Variants in TMEM132D observed in about 807,000 individuals in gnomAD.
TMEM132D encodes the protein transmembrane protein 132D.
Under a neutral mutation model 62.3 loss-of-function variants are expected in TMEM132D, and 21 were observed. That is an observed-to-expected ratio of 0.34 (90% confidence interval 0.24 to 0.49). The LOEUF (loss-of-function observed/expected upper bound fraction) is 0.49, where lower values mean the gene tolerates loss of function less well. Among genes scored for constraint, TMEM132D ranks in the 20% least tolerant of loss-of-function variants. The pLI, the probability that TMEM132D is intolerant of heterozygous loss-of-function variation, is 0.99. For missense variants in TMEM132D, 1,346 were observed against 1,402.8 expected (o/e 0.96, Z 0.65); for synonymous variants, 621 against 575.6 (o/e 1.08, Z -1.13).
At chr12:129,665,560 A>T (rs895236553) in intron 2 of TMEM132D, among the ~76,000 whole-genome samples, 1 of 152,104 alleles carries the variant, frequency 6.6e-6, no homozygotes, top group African/African-American at 2.4e-5. Flanking sequence ...TCTACTTAAA[A>T]TACTGACCTC....
chr12:129,410,890 A>G (rs1441645526), intron 3 of TMEM132D, among the ~76,000 whole-genome samples: 3 of 152,206 alleles, frequency 2.0e-5, no homozygotes, highest in African/African-American at 7.2e-5. Context: ...GGACATGAAT[A>G]TCATCTCATT....
At chr12:129,739,321 C>G (rs989733086) in intron 1 of TMEM132D, among the ~76,000 whole-genome samples, 66 of 152,242 alleles carry the variant, frequency 4.3e-4, no homozygotes, top group African/African-American at 1.5e-3. Flanking sequence ...GGAAAATTCC[C>G]ACCGCCTGAT....
In TMEM132D at chr12:129,700,637, G is replaced by C. The variant is rs2137227896; in HGVS notation, c.141C>G (p.Leu47=). 5 of 1,614,012 alleles carry C rather than the reference G, an allele frequency of 3.1e-6. No homozygotes were observed. The highest frequency in any genetic ancestry group is 4.2e-6 in the Non-Finnish European group (5 of 1,180,024). ...CGTTGTTGATGTGGTAGGTCACGGG[G>C]AGGTAGGTGGGCAGCAAGGAAAACC... ...IQRFSLLPTY[L]PVTYHINNAD... Residue 47 remains leucine, a synonymous_variant, in exon 2 of 9, where the codon CTC becomes CTG. Transcript: ENST00000422113.
intron 4 of TMEM132D, among the ~76,000 whole-genome samples, chr12:129,251,382 A>G (rs908897496): frequency 6.9e-5 from 10 of 143,970 alleles, no homozygotes; most frequent in African/African-American, 2.6e-4. Flanking sequence ...AAAAAAAAAA[A>G]AGAAGAGAGA....
intron 4 of TMEM132D, among the ~76,000 whole-genome samples, chr12:129,332,589 T>G (rs1869144541): frequency 6.6e-6 from 1 of 152,192 alleles, no homozygotes; most frequent in Non-Finnish European, 1.5e-5. Flanking sequence ...CTTACTTAGT[T>G]GTGCTGTGTG....
chr12:129,469,038 GCAA>G (rs937932843), intron 3 of TMEM132D, among the ~76,000 whole-genome samples: 6 of 152,106 alleles, frequency 3.9e-5, no homozygotes, highest in African/African-American at 1.2e-4. Context: ...AGACATTAAA[GCAA>G]CAACAACAAA....
intron 1 of TMEM132D, among the ~76,000 whole-genome samples, chr12:129,767,362 C>T (rs1035642606): frequency 5.9e-5 from 9 of 152,162 alleles, no homozygotes; most frequent in African/African-American, 1.2e-4. Flanking sequence ...CAGTTAAGAA[C>T]TAAGATGGGT....
chr12:129,794,253 A>ATTTTTTTTTTT (rs3046861), intron 1 of TMEM132D, among the ~76,000 whole-genome samples: 641 of 110,892 alleles, frequency 5.8e-3, no homozygotes, highest in Non-Finnish European at 8.3e-3. Context: ...CATGCCCAGC[A>ATTTTTTTTTTT]TTTTTTTTTT....
At chr12:129,539,237 T>A (rs948182232) in intron 2 of TMEM132D, among the ~76,000 whole-genome samples, 8 of 151,028 alleles carry the variant, frequency 5.3e-5, no homozygotes, top group Admixed American at 4.6e-4. Context: ...TTTCCGGATT[T>A]TTTTTTTTTT....
chr12:129,710,717 G>A (rs1460512877), intron 1 of TMEM132D, among the ~76,000 whole-genome samples: 2 of 152,202 alleles, frequency 1.3e-5, no homozygotes, highest in Non-Finnish European at 2.9e-5. Context: ...AAACTTGAAT[G>A]TAAGACAAAC....
In TMEM132D at chr12:129,700,572, A is replaced by G. The variant is rs775549426; in HGVS notation, c.206T>C (p.Ile69Thr). The change falls in exon 2 of 9, where the codon ATC becomes ACC. Residue 69 changes from isoleucine to threonine, a missense_variant. Coordinates refer to ENST00000422113, the MANE Select transcript of TMEM132D (RefSeq NM_133448.3). ...SFFLKEANQD[I>T]MRNSSLQSRV... ...GGACTGCAGGCTGGAGTTCCTCATG[A>G]TATCCTGGTTGGCCTCCTTCAGGAA... 6.2e-7 allele frequency: 1 copy of G among 1,613,948 alleles called. No individual in the cohort carries two copies. The highest frequency in any genetic ancestry group is 8.5e-7 in the Non-Finnish European group (1 of 1,180,014).
intron 4 of TMEM132D, among the ~76,000 whole-genome samples, chr12:129,319,056 A>G (rs1868587268): frequency 6.6e-6 from 1 of 152,154 alleles, no homozygotes; most frequent in South Asian, 2.1e-4. Flanking sequence ...AGCTGCGGAA[A>G]AAAAGGTCTT....
In TMEM132D at chr12:129,649,664, C is replaced by T. The variant is rs146468862; in HGVS notation, c.968+50146G>A. On this transcript the variant is annotated intron_variant, in intron 2 of 8. Transcript: ENST00000422113. ...ATATTCATATATATGTAAAAAACAA[C>T]CTATAGAATATACTGTTCTATATAA... Among the ~76,000 whole-genome samples, 860 of 151,850 alleles carry T rather than the reference C, an allele frequency of 5.7e-3. 4 individuals are homozygous for T. The highest frequency in any genetic ancestry group is 8.1e-3 in the Admixed American group (124 of 15,254).
At chr12:129,898,157 C>T (rs918875880) in intron 1 of TMEM132D, among the ~76,000 whole-genome samples, 2 of 152,270 alleles carry the variant, frequency 1.3e-5, no homozygotes, top group African/African-American at 4.8e-5. Context: ...TATTATTGAC[C>T]AAAGTATTTC....
chr12:129,226,079 A>G (rs1379160697), intron 4 of TMEM132D, among the ~76,000 whole-genome samples: 1 of 152,184 alleles, frequency 6.6e-6, no homozygotes, highest in African/African-American at 2.4e-5. Flanking sequence ...AGGGACTTTC[A>G]AGGGTGATGT....
At chr12:129,732,915 A>G (rs1869297047) in intron 1 of TMEM132D, among the ~76,000 whole-genome samples, 1 of 152,186 alleles carries the variant, frequency 6.6e-6, no homozygotes, top group African/African-American at 2.4e-5. Context: ...TGAAACCTCA[A>G]TAAAATCTCT....
intron 3 of TMEM132D, among the ~76,000 whole-genome samples, chr12:129,399,407 T>C (rs1593364951): frequency 6.6e-6 from 1 of 152,276 alleles, no homozygotes. Context: ...ACTCCTGCAA[T>C]AGCTAACCCA....
At chr12:129,391,329 G>T (rs1017832502) in intron 3 of TMEM132D, among the ~76,000 whole-genome samples, 7 of 152,212 alleles carry the variant, frequency 4.6e-5, no homozygotes, top group African/African-American at 1.7e-4. Flanking sequence ...CGGGAGATGA[G>T]GGAAGGCAGA....
intron 1 of TMEM132D, among the ~76,000 whole-genome samples, chr12:129,838,089 C>T (rs1489256603): frequency 1.3e-5 from 2 of 152,198 alleles, no homozygotes; most frequent in Admixed American, 6.5e-5. Context: ...GATCATTCAA[C>T]GTGCTTTTCA....
Sources: gnomAD v4.1 joint callset for allele counts (sites outside exome capture counted in the v4.1 genomes callset) on GRCh38, gnomAD v4.1.1 for gene constraint, MANE v1.5 for transcripts, NCBI Gene and HGNC (gene_info 2026-07-23, HGNC 2026-07-21) for gene names.